The following PDS5A variants were observed in gnomAD, a reference collection of about 807,000 sequenced individuals.
The protein encoded by PDS5A is sister chromatid cohesion protein PDS5 homolog A.
In PDS5A, 42 loss-of-function variants were observed where a neutral mutation model predicts 167.1. That is an observed-to-expected ratio of 0.25 (90% confidence interval 0.20 to 0.33). The LOEUF is 0.33. Ranked by LOEUF, PDS5A falls within the 10% of genes least tolerant of loss-of-function variation. PDS5A has a pLI of 1.00. For missense variants in PDS5A, 1,033 were observed against 1,605.9 expected, an observed-to-expected ratio of 0.64 and a Z score of 6.10; for synonymous variants, 553 against 554.6, an observed-to-expected ratio of 1.00 and a Z score of 0.04.
intron 30 of PDS5A, among the ~76,000 whole-genome samples, 197 bp downstream of exon 30, chr4:39,844,459 C>T (rs35717127): frequency 0.25 from 32,535 of 129,374 alleles, 4,560 homozygotes; most frequent in Middle Eastern, 0.36. Context: ...TGGGCGGGGA[C>T]AAGAGCGAGA....
intron 26 of PDS5A, among the ~76,000 whole-genome samples, chr4:39,859,072 ACT>A (rs1271994241): frequency 1.3e-5 from 2 of 152,128 alleles, no homozygotes; most frequent in Non-Finnish European, 2.9e-5. Context: ...TATATAAAGA[ACT>A]CTTACAACTC....
chr4:39,853,715 T>C (rs1301609813), intron 26 of PDS5A, among the ~76,000 whole-genome samples: 1 of 152,228 alleles, frequency 6.6e-6, no homozygotes, highest in Non-Finnish European at 1.5e-5. Flanking sequence ...ACCACACTTT[T>C]TCCCCTGGCT....
At chr4:39,926,950 A>C (rs1347334017) in intron 3 of PDS5A, 89 bp from the exon 4 acceptor site, 2 of 1,077,742 alleles carry the variant, frequency 1.9e-6, no homozygotes, top group Admixed American at 4.4e-5. Context: ...TTTGTGTACA[A>C]ACTACAATAA....
At position 39,888,723 on chromosome 4, in the gene PDS5A, A is replaced by T. The variant is rs573612533; in HGVS notation, c.1886+1526T>A. On this transcript the variant is annotated intron_variant, in intron 17 of 32. Transcript: ENST00000303538. The stretch of plus-strand genomic sequence containing the variant: ...AAACAAATATTGCATATTCGCAGTC[A>T]TATTTGAGAGCTAAAAATGTGAACC... Among the ~76,000 whole-genome samples, 70 of 152,112 alleles carry T rather than the reference A, an allele frequency of 4.6e-4. 2 individuals carry two copies. In the South Asian group the frequency reaches 0.013, roughly 28 times the overall value.
intron 30 of PDS5A, among the ~76,000 whole-genome samples, chr4:39,843,937 G>A (rs991323509): frequency 6.6e-6 from 1 of 152,070 alleles, no homozygotes; most frequent in African/African-American, 2.4e-5. Context: ...TTGAGCCCAG[G>A]AGATCGAGCC....
intron 17 of PDS5A, among the ~76,000 whole-genome samples, chr4:39,881,591 A>G: frequency 6.6e-6 from 1 of 152,166 alleles, no homozygotes; most frequent in Non-Finnish European, 1.5e-5. Context: ...TAAAATGTAC[A>G]ACTCAATGGT....
At chr4:39,930,246 A>AAAAAAAAAAAAAAAAAAAAAATTTTTT in intron 2 of PDS5A, among the ~76,000 whole-genome samples, 2 of 93,088 alleles carry the variant, frequency 2.1e-5, no homozygotes, top group Non-Finnish European at 2.2e-5. Context: ...AAAAAAAAAA[A>AAAAAAAAAAAAAAAAAAAAAATTTTTT]GTTTTTTTGT....
chr4:39,878,779 C>T (rs1280340077), intron 18 of PDS5A, among the ~76,000 whole-genome samples: 3 of 152,042 alleles, frequency 2.0e-5, no homozygotes, highest in African/African-American at 7.2e-5. Flanking sequence ...CAGTCTCACT[C>T]TGACGCCAAG....
intron 21 of PDS5A, among the ~76,000 whole-genome samples, chr4:39,871,864 C>T (rs550701280): frequency 1.7e-4 from 26 of 151,930 alleles, no homozygotes; most frequent in East Asian, 1.2e-3. Flanking sequence ...CCACCAAGCC[C>T]GGCTAATTTT....
chr4:39,936,227 A>T (rs1726587937), intron 2 of PDS5A, among the ~76,000 whole-genome samples: 1 of 152,098 alleles, frequency 6.6e-6, no homozygotes, highest in African/African-American at 2.4e-5. Context: ...CCTACATTTC[A>T]ATTCAGTTCT....
chr4:39,972,382 T>G (rs1730634628), intron 2 of PDS5A, among the ~76,000 whole-genome samples: 1 of 152,078 alleles, frequency 6.6e-6, no homozygotes, highest in African/African-American at 2.4e-5. Context: ...TAGCTGGGCA[T>G]AGTGGCACGC....
At chr4:39,849,020 A>G (rs1176829130) in intron 27 of PDS5A, 50 bp from the exon 28 acceptor site, 1 of 1,224,304 alleles carries the variant, frequency 8.2e-7, no homozygotes, top group Non-Finnish European at 1.1e-6. Flanking sequence ...CAAAATAATC[A>G]TAATTACCAA....
intron 2 of PDS5A, chr4:39,973,276 G>C (rs1020347558): frequency 1.4e-5 from 22 of 1,600,542 alleles, no homozygotes; most frequent in East Asian, 2.2e-5. Flanking sequence ...TTGCTCTTGA[G>C]GGGCAGATGC....
chr4:39,912,416 G>A (rs1026192243), intron 9 of PDS5A, among the ~76,000 whole-genome samples: 5 of 152,208 alleles, frequency 3.3e-5, no homozygotes, highest in Non-Finnish European at 4.4e-5. Flanking sequence ...CTTTGAAAGT[G>A]CAGTTGCTTC....
At chr4:39,868,784 T>C (rs1186062230) in intron 22 of PDS5A, 1 of 418,838 alleles carries the variant, frequency 2.4e-6, no homozygotes, top group East Asian at 7.4e-5. Flanking sequence ...TTATTATATT[T>C]ATTGACAACC....
chr4:39,886,453 C>G (rs1721483200), intron 17 of PDS5A, among the ~76,000 whole-genome samples: 1 of 152,132 alleles, frequency 6.6e-6, no homozygotes, highest in South Asian at 2.1e-4. Context: ...GTGGCTCACA[C>G]CTGTAATTCC....
chr4:39,928,701 T>C (rs1194055521), intron 2 of PDS5A, among the ~76,000 whole-genome samples: 1 of 152,050 alleles, frequency 6.6e-6, no homozygotes, highest in African/African-American at 2.4e-5. Context: ...AGCATGTGTC[T>C]GTAGTCCCAG....
intron 2 of PDS5A, among the ~76,000 whole-genome samples, chr4:39,960,799 C>A (rs1458596753): frequency 6.6e-6 from 1 of 152,040 alleles, no homozygotes; most frequent in Non-Finnish European, 1.5e-5. Context: ...AAGCTATTCT[C>A]CTGCCTCAGC....
At chr4:39,847,108 T>C (rs1479766992) in intron 28 of PDS5A, 1 of 151,514 alleles carries the variant, frequency 6.6e-6, no homozygotes, top group Non-Finnish European at 1.5e-5. Flanking sequence ...GTTGTTATTA[T>C]TAAGAAGACT....
Sources: gnomAD v4.1 joint callset for allele counts (sites outside exome capture counted in the v4.1 genomes callset) on GRCh38, gnomAD v4.1.1 for gene constraint, MANE v1.5 for transcripts, NCBI Gene and HGNC (gene_info 2026-07-23, HGNC 2026-07-21) for gene names.